Variants in KIAA1328 observed in about 807,000 individuals in gnomAD.
KIAA1328 encodes protein hinderin.
A neutral mutation model predicts 68.1 loss-of-function variants in KIAA1328; 52 were observed. The observed-to-expected ratio is 0.76, with a 90% CI of 0.61 to 0.96. The LOEUF (loss-of-function observed/expected upper bound fraction) is 0.96, where lower values mean the gene tolerates loss of function less well. Ranked by LOEUF, KIAA1328 falls within the 40% of genes least tolerant of loss-of-function variation. The pLI, the probability that KIAA1328 is intolerant of heterozygous loss-of-function variation, is 0.00. For missense variants in KIAA1328, 641 were observed against 677.6 expected (o/e 0.95, Z 0.60); for synonymous variants, 232 against 239.4 (o/e 0.97, Z 0.28).
At chr18:37,134,336 C>T (rs529762221) in intron 7 of KIAA1328, among the ~76,000 whole-genome samples, 1 of 151,836 alleles carries the variant, frequency 6.6e-6, no homozygotes, top group Non-Finnish European at 1.5e-5. Flanking sequence ...ATTGAGGACC[C>T]CAAAGAAGTT....
At chr18:37,152,338 A>T (rs1427117060) in intron 7 of KIAA1328, among the ~76,000 whole-genome samples, 3 of 152,142 alleles carry the variant, frequency 2.0e-5, no homozygotes, top group African/African-American at 7.2e-5. Flanking sequence ...TAAATGACAG[A>T]TAAAGGCTAG....
At chr18:37,078,220 C>A (rs1234910729) in intron 7 of KIAA1328, among the ~76,000 whole-genome samples, 2 of 152,254 alleles carry the variant, frequency 1.3e-5, no homozygotes, top group East Asian at 1.9e-4. Context: ...GAAAAACAAG[C>A]AATGGGGAAA....
chr18:37,106,993 C>T (rs2057794288), intron 7 of KIAA1328, among the ~76,000 whole-genome samples: 1 of 152,040 alleles, frequency 6.6e-6, no homozygotes, highest in Non-Finnish European at 1.5e-5. Flanking sequence ...CTTGTAATTC[C>T]AACATTTAGG....
chr18:37,195,694 T>C (rs1159263888), intron 9 of KIAA1328, among the ~76,000 whole-genome samples: 1 of 152,226 alleles, frequency 6.6e-6, no homozygotes, highest in African/African-American at 2.4e-5. Context: ...TTTTGGTAAC[T>C]ATAGCTTTTT....
chr18:36,926,383 CTATTTATT>C (rs72299711), intron 5 of KIAA1328, among the ~76,000 whole-genome samples: 86,265 of 146,904 alleles, frequency 0.59, 27,071 homozygotes, highest in East Asian at 0.86. Context: ...CTCTCTCTCT[CTATTTATT>C]TATTTATTTA....
At chr18:36,985,446 T>A (rs1347102640) in intron 6 of KIAA1328, among the ~76,000 whole-genome samples, 1 of 152,188 alleles carries the variant, frequency 6.6e-6, no homozygotes, top group Non-Finnish European at 1.5e-5. Flanking sequence ...TTCAAAGGGC[T>A]CATACTACTT....
intron 6 of KIAA1328, among the ~76,000 whole-genome samples, chr18:37,042,726 G>A (rs1162970559): frequency 6.6e-6 from 1 of 150,396 alleles, no homozygotes; most frequent in Non-Finnish European, 1.5e-5. Flanking sequence ...ATCTCTTTGT[G>A]TTTATCCTAC....
chr18:36,920,790 G>C (rs1454023715), intron 5 of KIAA1328, among the ~76,000 whole-genome samples: 1 of 152,084 alleles, frequency 6.6e-6, no homozygotes. Flanking sequence ...ATTGGCCACA[G>C]GTGTTTCATT....
intron 8 of KIAA1328, among the ~76,000 whole-genome samples, chr18:37,164,289 C>T (rs1231802304): frequency 6.6e-6 from 1 of 152,100 alleles, no homozygotes; most frequent in East Asian, 1.9e-4. Context: ...CTTTCGATGC[C>T]CTTATCCTGT....
intron 6 of KIAA1328, among the ~76,000 whole-genome samples, chr18:36,964,438 G>A (rs1226225067): frequency 6.6e-6 from 1 of 152,002 alleles, no homozygotes; most frequent in Non-Finnish European, 1.5e-5. Context: ...GTTTGTATTC[G>A]TTACTCTCTG....
intron 7 of KIAA1328, among the ~76,000 whole-genome samples, chr18:37,107,191 G>A (rs1279756192): frequency 1.3e-5 from 2 of 152,108 alleles, no homozygotes; most frequent in Non-Finnish European, 2.9e-5. Flanking sequence ...GTGGGCCGGG[G>A]TCATGCCACT....
At position 37,219,568 on chromosome 18, in the gene KIAA1328, G is replaced by A. The variant is rs141843429; in HGVS notation, c.1524-2449G>A. ...CCTACCCCTGCCAGGCTGCTGTCTC[G>A]CGGGTCGATCTCAGACTGCTGCACT... On this transcript the variant is annotated intron_variant, in intron 9 of 9. Transcript: ENST00000280020. 1.0e-3 allele frequency among the ~76,000 whole-genome samples: 158 copies of A among 152,284 alleles called. 1 individual carries two copies. In the Middle Eastern group the frequency reaches 0.014, roughly 13 times the overall value.
intron 9 of KIAA1328, among the ~76,000 whole-genome samples, chr18:37,217,949 G>A (rs2060479285): frequency 6.6e-6 from 1 of 152,146 alleles, no homozygotes; most frequent in South Asian, 2.1e-4. Flanking sequence ...CACACTTTGA[G>A]ACAAATTAAG....
chr18:36,959,979 C>G (rs1369166928), intron 6 of KIAA1328, among the ~76,000 whole-genome samples: 2 of 152,160 alleles, frequency 1.3e-5, no homozygotes. Context: ...TAAATGAATG[C>G]TCAGAACCCT....
intron 6 of KIAA1328, among the ~76,000 whole-genome samples, chr18:37,045,625 T>C (rs892866048): frequency 6.6e-6 from 1 of 152,224 alleles, no homozygotes; most frequent in Non-Finnish European, 1.5e-5. Context: ...CTGATAATCC[T>C]CAATGCAGAT....
chr18:36,935,467 A>G (rs2050465168), intron 5 of KIAA1328, among the ~76,000 whole-genome samples: 1 of 152,198 alleles, frequency 6.6e-6, no homozygotes. Context: ...ATTTTTTGCC[A>G]TTCCAGATAT....
chr18:36,877,966 C>T (rs961833888), intron 4 of KIAA1328, among the ~76,000 whole-genome samples: 2 of 152,028 alleles, frequency 1.3e-5, no homozygotes, highest in Admixed American at 6.6e-5. Flanking sequence ...TGCACCCGGC[C>T]CAGTCTGTGT....
At chr18:37,054,335 AT>A (rs1305210834) in intron 6 of KIAA1328, among the ~76,000 whole-genome samples, 1 of 152,136 alleles carries the variant, frequency 6.6e-6, no homozygotes, top group African/African-American at 2.4e-5. Context: ...AAAAAAAATC[AT>A]TTTATCAGGA....
In KIAA1328 at chr18:36,955,413, G is replaced by A. The variant is rs566789806; in HGVS notation, c.449-3895G>A. Among the ~76,000 whole-genome samples the A allele has an allele frequency of 2.4e-3, 362 of 151,166 alleles. 3 individuals carry two copies. The highest frequency in any genetic ancestry group is 8.1e-3 in the African/African-American group (332 of 41,144). On this transcript the variant is annotated intron_variant, in intron 5 of 9. Transcript: ENST00000280020. ...CAACCTCCATCTCCTGGGTTCAAGCGATTCTCCTGCCTCAGCCTCCCGAGT... is the reference window on the plus strand; with the variant it reads ...CAACCTCCATCTCCTGGGTTCAAGCAATTCTCCTGCCTCAGCCTCCCGAGT...
Sources: allele counts gnomAD v4.1 joint callset (sites outside exome capture counted in the v4.1 genomes callset), GRCh38; gene constraint gnomAD v4.1.1; transcripts MANE v1.5; gene names NCBI Gene and HGNC (gene_info 2026-07-23, HGNC 2026-07-21).